The following GABPB2 variants were observed in gnomAD, a reference collection of about 807,000 sequenced individuals.
GABPB2 encodes GA binding protein transcription factor subunit beta 2, also known as GA-binding protein subunit beta-2.
GABPB2 carries 23 observed loss-of-function variants against 39.1 expected under a neutral mutation model. The ratio of observed to expected loss-of-function variants is 0.59; its 90% CI spans 0.42 to 0.83. The LOEUF is 0.83. Ranked by LOEUF, GABPB2 falls within the 40% of genes least tolerant of loss-of-function variation. The pLI, the probability that GABPB2 is intolerant of heterozygous loss-of-function variation, is 0.00. For missense variants in GABPB2, 467 were observed against 541.1 expected, an observed-to-expected ratio of 0.86 and a Z score of 1.36; for synonymous variants, 184 against 199.3, an observed-to-expected ratio of 0.92 and a Z score of 0.65.
chr1:151,100,389 C>T (rs1679421275), intron 5 of GABPB2, among the ~76,000 whole-genome samples: 1 of 151,128 alleles, frequency 6.6e-6, no homozygotes, highest in Non-Finnish European at 1.5e-5. Context: ...GTGATCCACT[C>T]GCCATGGCCT....
chr1:151,117,474 A>G lies in GABPB2; in HGVS notation c.1005A>G (p.Lys335=). The part of the protein sequence containing the change: ...EEEEKLPLTK[K]PRIGEKTNSV... ...AAGAGAAGTTGCCACTAACAAAGAA[A>G]CCAAGGATAGGAGAGAAGACAAACA... is the stretch of plus-strand genomic sequence containing the variant. Residue 335 remains lysine (K), a synonymous_variant, in exon 8 of 9, where the codon AAA becomes AAG. Transcript: ENST00000368918. The G allele has an allele frequency of 6.2e-7, 1 of 1,614,072 alleles. No homozygotes were observed. The highest frequency in any genetic ancestry group is 1.7e-5 in the Admixed American group (1 of 60,016).
chr1:151,109,925 G>A (rs1325651981), intron 7 of GABPB2, among the ~76,000 whole-genome samples: 6 of 147,232 alleles, frequency 4.1e-5, no homozygotes, highest in Admixed American at 6.9e-5. Flanking sequence ...TGCAGTCTCC[G>A]CCTTCCGGGT....
intron 1 of GABPB2, among the ~76,000 whole-genome samples, chr1:151,073,446 A>C (rs1676886590): frequency 6.6e-6 from 1 of 152,082 alleles, no homozygotes; most frequent in Admixed American, 6.6e-5. Flanking sequence ...CTGTTTTCTG[A>C]TGTATCAGGC....
intron 7 of GABPB2, among the ~76,000 whole-genome samples, chr1:151,115,284 G>A (rs1448868034): frequency 6.6e-6 from 1 of 151,956 alleles, no homozygotes; most frequent in Non-Finnish European, 1.5e-5. Flanking sequence ...CGCTTGAACT[G>A]GGGGCAGAGG....
intron 1 of GABPB2, among the ~76,000 whole-genome samples, chr1:151,072,606 G>A (rs987119453): frequency 1.1e-4 from 17 of 152,152 alleles, no homozygotes; most frequent in African/African-American, 3.9e-4. Flanking sequence ...AGCACTTTGG[G>A]AGGCCGAGGT....
Position 151,121,444 on chromosome 1 carries a change from C to CT in GABPB2, c.*3199dup, listed in dbSNP as rs764920505. 805 of 148,012 alleles carry CT rather than the reference C, an allele frequency of 5.4e-3. 2 individuals carry two copies. The highest frequency in any genetic ancestry group is 0.014 in the African/African-American group (582 of 40,302). The allele number at this position is 148,012 out of a possible 1,614,324, so 9.2% of individuals were successfully genotyped here. Reference sequence around the variant, plus strand: ...ACTGCTGGGTTTTCTTTTTCTTTTTCTTTTTTTTTTTGAGACGGAGTTTCA... The same window carrying CT: ...ACTGCTGGGTTTTCTTTTTCTTTTTCTTTTTTTTTTTTGAGACGGAGTTTCA... On this transcript the variant is annotated 3_prime_UTR_variant, in exon 9 of 9. Coordinates refer to ENST00000368918, the MANE Select transcript of GABPB2 (RefSeq NM_144618.3).
intron 1 of GABPB2, among the ~76,000 whole-genome samples, chr1:151,079,179 A>G (rs981412965): frequency 2.0e-5 from 3 of 152,182 alleles, no homozygotes; most frequent in African/African-American, 7.2e-5. Flanking sequence ...GCTTGTTGAA[A>G]GAATGGGATG....
rs1681317931 is a variant in GABPB2, at chr1:151,124,875, G to A, written c.*6619G>A. The A allele has an allele frequency of 2.0e-5, 3 of 151,888 alleles. No individual in the cohort carries two copies. Among genetic ancestry groups the A allele is most frequent in the African/African-American group, 7.3e-5 (3 of 41,332 alleles). The allele number at this position is 151,888 out of a possible 1,614,324, so 9.4% of individuals were successfully genotyped here. On this transcript the variant is annotated 3_prime_UTR_variant, in exon 9 of 9. Transcript: ENST00000368918. Reference sequence around the variant, plus strand: ...ATTTTTTAGCCTCTTTAGTATTAGGGGGTGAGGTGACATTCCTAGACTCTA... The same window carrying A: ...ATTTTTTAGCCTCTTTAGTATTAGGAGGTGAGGTGACATTCCTAGACTCTA...
intron 7 of GABPB2, 85 bp from the exon 8 acceptor site, chr1:151,117,307 A>G: frequency 7.2e-7 from 1 of 1,390,726 alleles, no homozygotes; most frequent in Non-Finnish European, 1.0e-6. Flanking sequence ...AATATATTTT[A>G]GTTTATTTTC....
At position 151,122,807 on chromosome 1, in the gene GABPB2, G is replaced by C. The variant is rs1322528619; in HGVS notation, c.*4551G>C. On this transcript the variant is annotated 3_prime_UTR_variant, in exon 9 of 9. Transcript: ENST00000368918. ...AAGTCATTTTTTATGATGGGTCTCT[G>C]AGATAGGGCAGTTTGTTAGAGGAGA... 6.6e-6 allele frequency: 1 copy of C among 152,028 alleles called. No homozygotes were observed. The highest frequency in any genetic ancestry group is 1.5e-5 in the Non-Finnish European group (1 of 68,006). The allele number at this position is 152,028 out of a possible 1,614,324, so 9.4% of individuals were successfully genotyped here.
intron 1 of GABPB2, among the ~76,000 whole-genome samples, chr1:151,081,702 T>G (rs927011336): frequency 3.3e-5 from 5 of 152,016 alleles, no homozygotes; most frequent in Admixed American, 6.6e-5. Flanking sequence ...TGGCGTGACC[T>G]TGGCTCACTG....
At chr1:151,114,375 T>TA (rs141815577) in intron 7 of GABPB2, among the ~76,000 whole-genome samples, 257 of 151,500 alleles carry the variant, frequency 1.7e-3, no homozygotes, top group African/African-American at 5.9e-3. Context: ...AATAAAGCAT[T>TA]ATGAACACCA....
chr1:151,075,124 A>G (rs942476904), intron 1 of GABPB2, among the ~76,000 whole-genome samples: 1 of 152,130 alleles, frequency 6.6e-6, no homozygotes, highest in Non-Finnish European at 1.5e-5. Flanking sequence ...TCTGGGCGAC[A>G]GAGTGAGACA....
intron 7 of GABPB2, among the ~76,000 whole-genome samples, chr1:151,115,164 T>C (rs1269001202): frequency 1.3e-5 from 2 of 151,604 alleles, no homozygotes; most frequent in African/African-American, 4.8e-5. Context: ...AGTTTGAGAC[T>C]AGCATGACCA....
Position 151,125,317 on chromosome 1 carries a change from A to G in GABPB2, c.*7061A>G, listed in dbSNP as rs923054503. 1 of 152,020 alleles carries G rather than the reference A, an allele frequency of 6.6e-6. No homozygotes were observed. Among genetic ancestry groups the G allele is most frequent in the African/African-American group, 2.4e-5 (1 of 41,370 alleles). 9.4% of individuals were successfully genotyped at this position (152,020 alleles called of 1,614,324 possible). ...GGGATGCGCCCAGACTGTTCTCACA[A>G]TGTCCTCAGTTTTTCAGGTTGTCTG... On this transcript the variant is annotated 3_prime_UTR_variant, in exon 9 of 9. Transcript: ENST00000368918.
chr1:151,082,812 C>G (rs2101456912), intron 1 of GABPB2, among the ~76,000 whole-genome samples: 1 of 151,722 alleles, frequency 6.6e-6, no homozygotes. Flanking sequence ...TGCACCTCTA[C>G]AAAAAACTAA....
chr1:151,086,002 G>A (rs181828525), intron 1 of GABPB2, among the ~76,000 whole-genome samples: 2 of 152,232 alleles, frequency 1.3e-5, no homozygotes, highest in Non-Finnish European at 2.9e-5. Flanking sequence ...TCCCAACACT[G>A]GTGGGGCCAA....
Position 151,107,068 on chromosome 1 carries a change from C to T in GABPB2, c.768C>T (p.Ser256=), listed in dbSNP as rs139254162. Residue 256 remains serine (S), a synonymous_variant, in exon 7 of 9, where the codon TCC becomes TCT. Coordinates refer to ENST00000368918, the MANE Select transcript of GABPB2 (RefSeq NM_144618.3). ...ANTEEIIEGN[S]VDSSIQQVMG... ...CAGAGGAAATTATAGAAGGAAATTC[C>T]GTTGACTCATCAATCCAGCAAGTAA... is the stretch of plus-strand genomic sequence containing the variant. 2.4e-4 allele frequency: 382 copies of T among 1,608,024 alleles called. 3 individuals are homozygous for T. In the African/African-American group the frequency reaches 4.2e-3, roughly 18 times the overall value.
At chr1:151,073,979 CTTTTTTTT>C (rs587690492) in intron 1 of GABPB2, among the ~76,000 whole-genome samples, 3 of 129,052 alleles carry the variant, frequency 2.3e-5, no homozygotes, top group African/African-American at 8.6e-5. Flanking sequence ...ATGGTTATTT[CTTTTTTTT>C]TTTTTTTTTT....
Sources: gnomAD v4.1 joint callset for allele counts (sites outside exome capture counted in the v4.1 genomes callset) on GRCh38, gnomAD v4.1.1 for gene constraint, MANE v1.5 for transcripts, NCBI Gene and HGNC (gene_info 2026-07-23, HGNC 2026-07-21) for gene names.